Variants in MAST4 observed in about 807,000 individuals in gnomAD.
MAST4 encodes microtubule associated serine/threonine kinase family member 4.
A neutral mutation model predicts 162.7 loss-of-function variants in MAST4; 89 were observed. The ratio of observed to expected loss-of-function variants is 0.55; its 90% CI spans 0.46 to 0.65. MAST4 has a LOEUF of 0.65. Ranked by LOEUF, MAST4 falls within the 30% of genes least tolerant of loss-of-function variation. MAST4 has a pLI of 0.00. For missense variants in MAST4, 3,153 were observed against 3,374.0 expected (o/e 0.93, Z 1.62); for synonymous variants, 1,479 against 1,361.1 (o/e 1.09, Z -1.91).
chr5:66,923,586 G>T (rs954730969), intron 4 of MAST4, among the ~76,000 whole-genome samples: 16 of 152,170 alleles, frequency 1.1e-4, no homozygotes, highest in Middle Eastern at 3.4e-3. Context: ...TTTTATTGTG[G>T]TCCTAAATCT....
intron 1 of MAST4, among the ~76,000 whole-genome samples, chr5:66,692,841 T>G (rs1749138332): frequency 6.6e-6 from 1 of 152,124 alleles, no homozygotes; most frequent in South Asian, 2.1e-4. Flanking sequence ...TTCAAGGTAT[T>G]CCAGTGTGCT....
chr5:67,162,819 G>T, intron 28 of MAST4, 31 bp downstream of exon 28: 1 of 1,594,712 alleles, frequency 6.3e-7, no homozygotes, highest in Admixed American at 1.8e-5. Context: ...AAACAGCAGA[G>T]GGGAGGGGAG....
intron 4 of MAST4, among the ~76,000 whole-genome samples, chr5:66,967,603 C>T (rs1041254647): frequency 6.6e-6 from 1 of 150,936 alleles, no homozygotes; most frequent in Non-Finnish European, 1.5e-5. Flanking sequence ...TGGAAAGATG[C>T]AGACTGTATT....
intron 4 of MAST4, among the ~76,000 whole-genome samples, chr5:66,929,323 C>T (rs750075343): frequency 1.3e-5 from 2 of 152,132 alleles, no homozygotes; most frequent in Non-Finnish European, 2.9e-5. Context: ...AGGAGGAAAT[C>T]ACCTTTCCTC....
At chr5:67,069,960 T>G (rs1229348642) in intron 5 of MAST4, among the ~76,000 whole-genome samples, 1 of 150,996 alleles carries the variant, frequency 6.6e-6, no homozygotes, top group African/African-American at 2.4e-5. Context: ...TGTTTAGAGA[T>G]GCAAATCATC....
At chr5:67,077,530 T>C (rs2150705712) in intron 5 of MAST4, among the ~76,000 whole-genome samples, 1 of 152,274 alleles carries the variant, frequency 6.6e-6, no homozygotes, top group African/African-American at 2.4e-5. Context: ...GGCCCCTGAC[T>C]GTTGTAGTTA....
chr5:66,835,465 T>TA (rs901515596), intron 3 of MAST4, among the ~76,000 whole-genome samples: 8 of 151,182 alleles, frequency 5.3e-5, no homozygotes, highest in Non-Finnish European at 7.4e-5. Context: ...ATTTATTATA[T>TA]AAAAAAAAAG....
chr5:66,802,064 T>A (rs184656923), intron 3 of MAST4, among the ~76,000 whole-genome samples: 1 of 152,216 alleles, frequency 6.6e-6, no homozygotes, highest in African/African-American at 2.4e-5. Context: ...TTTGGGCTTT[T>A]CATTTAAATA....
chr5:66,732,418 A>G (rs534513736), intron 1 of MAST4, among the ~76,000 whole-genome samples: 5 of 152,080 alleles, frequency 3.3e-5, no homozygotes, highest in South Asian at 2.1e-4. Context: ...TTTTCTTAAC[A>G]TTGCCTCTTC....
At chr5:66,844,452 G>C (rs886487557) in intron 3 of MAST4, among the ~76,000 whole-genome samples, 2 of 152,042 alleles carry the variant, frequency 1.3e-5, no homozygotes, top group Non-Finnish European at 2.9e-5. Context: ...GTTGTCTCTT[G>C]GTATTAACTT....
At chr5:66,830,970 A>C (rs1757558099) in intron 3 of MAST4, among the ~76,000 whole-genome samples, 1 of 152,230 alleles carries the variant, frequency 6.6e-6, no homozygotes, top group Admixed American at 6.5e-5. Context: ...GTTGTGAGGT[A>C]ATCCTGACAC....
At chr5:66,946,535 A>T (rs565792967) in intron 4 of MAST4, among the ~76,000 whole-genome samples, 1 of 152,302 alleles carries the variant, frequency 6.6e-6, no homozygotes, top group East Asian at 1.9e-4. Context: ...TGATACAGGC[A>T]TTGGATGTTT....
chr5:67,060,602 T>C (rs2545403), intron 5 of MAST4, among the ~76,000 whole-genome samples: 59,023 of 151,284 alleles, frequency 0.39, 14,551 homozygotes, highest in African/African-American at 0.7. Flanking sequence ...CTCAGCCTCC[T>C]GAGTAACTGG....
chr5:66,982,764 C>A (rs1017597131), intron 4 of MAST4, among the ~76,000 whole-genome samples: 5 of 152,170 alleles, frequency 3.3e-5, no homozygotes, highest in Non-Finnish European at 7.3e-5. Flanking sequence ...ACTGATTTGA[C>A]TACAGTTATG....
chr5:66,870,258 G>A lies in MAST4; in HGVS notation c.643-29693G>A, dbSNP rs142090182. Among the ~76,000 whole-genome samples the A allele has an allele frequency of 4.7e-4, 72 of 152,246 alleles. 2 individuals carry two copies. The East Asian group carries it at 0.011, about 23-fold the overall frequency. On this transcript the variant is annotated intron_variant, in intron 3 of 28. Transcript: ENST00000403625. ...GTTTTTGGTGGCTGTCAGACACTAC[G>A]AATTCTGCCAGGATGATGGACACAG...
At chr5:66,724,434 T>A (rs1486354374) in intron 1 of MAST4, among the ~76,000 whole-genome samples, 1 of 152,178 alleles carries the variant, frequency 6.6e-6, no homozygotes, top group Non-Finnish European at 1.5e-5. Flanking sequence ...TTGATTTGGA[T>A]CATTCTTGCC....
intron 13 of MAST4, among the ~76,000 whole-genome samples, chr5:67,119,808 A>G (rs1431925388): frequency 6.6e-6 from 1 of 152,166 alleles, no homozygotes; most frequent in Admixed American, 6.5e-5. Context: ...CTTAGGAGTC[A>G]TCCATGAACA....
chr5:66,790,391 G>A (rs1227691732), intron 3 of MAST4, among the ~76,000 whole-genome samples: 2 of 151,962 alleles, frequency 1.3e-5, no homozygotes, highest in Non-Finnish European at 2.9e-5. Context: ...TTCTTCTCTG[G>A]AATTTCCTGA....
chr5:66,953,722 T>TA (rs1744961861), intron 4 of MAST4, among the ~76,000 whole-genome samples: 1 of 152,162 alleles, frequency 6.6e-6, no homozygotes, highest in East Asian at 1.9e-4. Context: ...AACTAGTCAG[T>TA]GATGCCGAGG....
Sources: allele counts gnomAD v4.1 joint callset (sites outside exome capture counted in the v4.1 genomes callset), GRCh38; gene constraint gnomAD v4.1.1; transcripts MANE v1.5; gene names NCBI Gene and HGNC (gene_info 2026-07-23, HGNC 2026-07-21).